The following PCDH19 variants were observed in gnomAD, a reference collection of about 807,000 sequenced individuals.
PCDH19 encodes protocadherin-19.
In PCDH19, 6 loss-of-function variants were observed where a neutral mutation model predicts 46.2. The observed-to-expected ratio is 0.13, with a 90% confidence interval of 0.07 to 0.26. The LOEUF (loss-of-function observed/expected upper bound fraction) is 0.26, where lower values mean the gene tolerates loss of function less well. Ranked by LOEUF, PCDH19 falls within the 10% of genes least tolerant of loss-of-function variation. The pLI, the probability that PCDH19 is intolerant of heterozygous loss-of-function variation, is 1.00. For missense variants in PCDH19, 740 were observed against 972.3 expected (o/e 0.76, Z 3.18); for synonymous variants, 481 against 415.7 (o/e 1.16, Z -1.91).
chrX:100,406,972 T>C lies in PCDH19; in HGVS notation c.1626A>G (p.Ser542=), dbSNP rs1450714283. 1.7e-6 allele frequency: 2 copies of C among 1,209,696 alleles called. No individual in the cohort carries two copies. The highest frequency in any genetic ancestry group is 5.9e-5 in the East Asian group (2 of 33,724). ...CCCGCACCGTAGCGTTGCTTTGCAG[T>C]GAGGGAAGGCCGCCGTCCTTGGCCA... ...KVLAKDGGLP[S]LQSNATVRVI... Residue 542 remains serine, a synonymous_variant, in exon 1 of 6, where the codon TCA becomes TCG. Transcript: ENST00000373034.
At chrX:100,403,283 C>T (rs1415804315) in intron 2 of PCDH19, among the ~76,000 whole-genome samples, 1 of 110,170 alleles carries the variant, frequency 9.1e-6, no homozygotes, top group Non-Finnish European at 1.9e-5. Flanking sequence ...TACCCGCCCC[C>T]ACCCCCTTGC....
intron 3 of PCDH19, among the ~76,000 whole-genome samples, chrX:100,350,936 ATGACTGGCTAC>A (rs1191802521): frequency 8.9e-6 from 1 of 112,346 alleles, no homozygotes; most frequent in Non-Finnish European, 1.9e-5. Context: ...TCCCTAGAAT[ATGACTGGCTAC>A]TGACCATGCA....
Position 100,295,974 on chromosome X carries a change from A to C in PCDH19, c.*303T>G, listed in dbSNP as rs1924586178. On this transcript the variant is annotated 3_prime_UTR_variant, in exon 6 of 6. Coordinates refer to ENST00000373034, the MANE Select transcript of PCDH19 (RefSeq NM_001184880.2). ...ATTTATATTATAATTTTGACATAGA[A>C]AAATATATAAATTCAAACACTTAAT... The C allele has an allele frequency of 3.9e-6, 1 of 256,465 alleles. No individual in the cohort carries two copies. Among genetic ancestry groups the C allele is most frequent in the Non-Finnish European group, 6.9e-6 (1 of 145,416 alleles). The allele number at this position is 256,465 out of a possible 1,213,427, so 21.1% of individuals were successfully genotyped here.
intron 5 of PCDH19, among the ~76,000 whole-genome samples, chrX:100,330,663 G>A (rs1925846720): frequency 8.9e-6 from 1 of 112,206 alleles, no homozygotes; most frequent in South Asian, 3.7e-4. Flanking sequence ...AAGGCCCTAA[G>A]GCTTAGCTTA....
At chrX:100,373,765 T>C (rs1195913584) in intron 3 of PCDH19, among the ~76,000 whole-genome samples, 1 of 112,181 alleles carries the variant, frequency 8.9e-6, no homozygotes, top group East Asian at 2.8e-4. Flanking sequence ...AAAAAAATTA[T>C]ACAATGAACA....
intron 5 of PCDH19, among the ~76,000 whole-genome samples, chrX:100,303,236 C>A (rs1264194120): frequency 9.4e-6 from 1 of 106,272 alleles, no homozygotes; most frequent in Non-Finnish European, 1.9e-5. Flanking sequence ...TGTAACTTAA[C>A]AAGGCAAGTA....
At chrX:100,397,289 T>A (rs952898422) in intron 3 of PCDH19, among the ~76,000 whole-genome samples, 2 of 112,204 alleles carry the variant, frequency 1.8e-5, no homozygotes, top group Admixed American at 1.9e-4. Context: ...TCAGACTTTT[T>A]GTAGGATAAT....
At chrX:100,328,509 TC>T (rs1372697993) in intron 5 of PCDH19, among the ~76,000 whole-genome samples, 1 of 110,634 alleles carries the variant, frequency 9.0e-6, no homozygotes, top group Non-Finnish European at 1.9e-5. Flanking sequence ...TGGCTCATCA[TC>T]CCCCAGAAAG....
At chrX:100,362,883 A>G (rs1156461138) in intron 3 of PCDH19, among the ~76,000 whole-genome samples, 1 of 111,456 alleles carries the variant, frequency 9.0e-6, no homozygotes, top group Non-Finnish European at 1.9e-5. Context: ...AAAAAATGTA[A>G]AAGAAAAATC....
intron 5 of PCDH19, among the ~76,000 whole-genome samples, chrX:100,320,929 C>T (rs998659177): frequency 9.3e-6 from 1 of 107,996 alleles, no homozygotes; most frequent in African/African-American, 3.4e-5. Flanking sequence ...TTTTATCAAT[C>T]GCCCCCCTTC....
intron 5 of PCDH19, among the ~76,000 whole-genome samples, chrX:100,323,234 T>G (rs1479565785): frequency 9.0e-6 from 1 of 110,947 alleles, no homozygotes; most frequent in Non-Finnish European, 1.9e-5. Flanking sequence ...CTGAGCTAGT[T>G]AGGCACACCA....
At chrX:100,406,342 G>T in intron 1 of PCDH19, 109 bp downstream of exon 1, 1 of 610,631 alleles carries the variant, frequency 1.6e-6, no homozygotes, top group South Asian at 2.5e-5. Flanking sequence ...AGCACTGCAA[G>T]TATGCTGCAT....
chrX:100,294,315 C>T lies in PCDH19; in HGVS notation c.*1962G>A, dbSNP rs1316691729. On this transcript the variant is annotated 3_prime_UTR_variant, in exon 6 of 6. Coordinates refer to ENST00000373034, the MANE Select transcript of PCDH19 (RefSeq NM_001184880.2). ...AGCTTCAGAGGGAAATTTGCAGCCA[C>T]ACCAATATTTTGCATGAGGTAGTAT... is the stretch of plus-strand genomic sequence containing the variant. 1 of 111,487 alleles carries T rather than the reference C, an allele frequency of 9.0e-6. No individual in the cohort carries two copies. The highest frequency in any genetic ancestry group is 1.9e-5 in the Non-Finnish European group (1 of 53,040). 9.2% of individuals were successfully genotyped at this position (111,487 alleles called of 1,213,427 possible). A position where few individuals can be genotyped will look rare whatever the true frequency, so the allele number is the denominator to read the frequency against.
chrX:100,365,462 A>G (rs2147504743), intron 3 of PCDH19, among the ~76,000 whole-genome samples: 1 of 111,741 alleles, frequency 8.9e-6, no homozygotes, highest in Admixed American at 9.5e-5. Context: ...TTTTTATGCA[A>G]TATTAATTAT....
chrX:100,381,933 G>A (rs2147517334), intron 3 of PCDH19, among the ~76,000 whole-genome samples: 1 of 111,286 alleles, frequency 9.0e-6, no homozygotes, highest in African/African-American at 3.3e-5. Context: ...AAATTCAAAG[G>A]AAAACTGCAT....
At chrX:100,300,037 T>C in intron 5 of PCDH19, among the ~76,000 whole-genome samples, 1 of 112,431 alleles carries the variant, frequency 8.9e-6, no homozygotes, top group Non-Finnish European at 1.9e-5. Context: ...AAGTCTAACT[T>C]AGCTTAAATA....
chrX:100,408,490 C>T lies in PCDH19; in HGVS notation c.108G>A (p.Gly36=), dbSNP rs1407081997. ...KYSVEEEQRA[G]TVIANVAKDA... is the part of the protein sequence containing the mutation. ...CTTTGGCCACGTTGGCAATCACCGT[C>T]CCGGCGCGCTGCTCCTCTTCTACCG... Residue 36 remains glycine, a synonymous_variant, in exon 1 of 6, where the codon GGG becomes GGA. Coordinates refer to ENST00000373034, the MANE Select transcript of PCDH19 (RefSeq NM_001184880.2). 5 of 1,203,077 alleles carry T rather than the reference C, an allele frequency of 4.2e-6. No homozygotes were observed. The highest frequency in any genetic ancestry group is 5.6e-6 in the Non-Finnish European group (5 of 893,166).
At chrX:100,388,659 A>C (rs1569309147) in intron 3 of PCDH19, among the ~76,000 whole-genome samples, 1 of 110,970 alleles carries the variant, frequency 9.0e-6, no homozygotes, top group African/African-American at 3.3e-5. Flanking sequence ...AATTGCCCCC[A>C]GGAAAGATTA....
At chrX:100,331,325 A>T (rs1409720342) in intron 5 of PCDH19, among the ~76,000 whole-genome samples, 2 of 111,911 alleles carry the variant, frequency 1.8e-5, no homozygotes, top group Non-Finnish European at 3.8e-5. Flanking sequence ...TGGCAGAATG[A>T]TTGGTCTATG....
Sources: gnomAD v4.1 joint callset for allele counts (sites outside exome capture counted in the v4.1 genomes callset) on GRCh38, gnomAD v4.1.1 for gene constraint, MANE v1.5 for transcripts, NCBI Gene and HGNC (gene_info 2026-07-23, HGNC 2026-07-21) for gene names.